MOCOS: variants seen among roughly 807,000 people sequenced by gnomAD.
MOCOS encodes the protein human molybdenum cofactor sulfurase.
Under a neutral mutation model 83.6 loss-of-function variants are expected in MOCOS, and 86 were observed. The ratio of observed to expected loss-of-function variants is 1.03; its 90% confidence interval spans 0.86 to 1.23. MOCOS has a LOEUF of 1.23. MOCOS is among the 50% of genes most tolerant of loss of function. The pLI, the probability that MOCOS is intolerant of heterozygous loss-of-function variation, is 0.00. For missense variants in MOCOS, 1,120 were observed against 1,126.9 expected, an observed-to-expected ratio of 0.99 and a Z score of 0.09; for synonymous variants, 445 against 434.7, an observed-to-expected ratio of 1.02 and a Z score of -0.29.
chr18:36,206,655 T>A lies in MOCOS; in HGVS notation c.1218+1379T>A, dbSNP rs563939259. The stretch of plus-strand genomic sequence containing the variant: ...CCTCCCCCCACCTTCTACCCTCAAG[T>A]AGGCCCCGGTGGCCGTGGTTTTCTT... On this transcript the variant is annotated intron_variant, in intron 6 of 14. Coordinates refer to ENST00000261326, the MANE Select transcript of MOCOS (RefSeq NM_017947.4). Among the ~76,000 whole-genome samples, 42 of 152,284 alleles carry A rather than the reference T, an allele frequency of 2.8e-4. No individual in the cohort carries two copies. The South Asian group carries it at 5.6e-3, about 20-fold the overall frequency.
chr18:36,238,010 T>G (rs1308474762), intron 9 of MOCOS, among the ~76,000 whole-genome samples: 2 of 152,084 alleles, frequency 1.3e-5, no homozygotes, highest in African/African-American at 2.4e-5. Flanking sequence ...TGCGTCTATT[T>G]GATTCTTCTC....
intron 2 of MOCOS, among the ~76,000 whole-genome samples, chr18:36,196,008 GC>G (rs200347398): frequency 0.016 from 2,479 of 152,256 alleles, 44 homozygotes; most frequent in Non-Finnish European, 0.019. Context: ...GTGCGAGCAG[GC>G]AGGGTAACAG....
intron 1 of MOCOS, among the ~76,000 whole-genome samples, chr18:36,193,024 A>G (rs982660741): frequency 6.6e-6 from 1 of 152,126 alleles, no homozygotes; most frequent in Non-Finnish European, 1.5e-5. Flanking sequence ...ACAAAGTTAC[A>G]GAATGGGCCG....
In MOCOS at chr18:36,268,530, C is replaced by T. The variant is rs1181364431; in HGVS notation, c.2515-3C>T. The T allele has an allele frequency of 6.2e-6, 10 of 1,613,972 alleles. No homozygotes were observed. In the East Asian group the frequency reaches 2.2e-4, roughly 36 times the overall value. On this transcript the variant is annotated splice_region_variant and splice_polypyrimidine_tract_variant and intron_variant, in intron 14 of 14. Transcript: ENST00000261326. ...TTTGTTGTTGTTGCTGTTTTGTTCA[C>T]AGGTGAACTTTGGCATGTACCTGAT...
Position 36,203,129 on chromosome 18 carries a change from A to G in MOCOS, c.958A>G (p.Ile320Val). 6.2e-7 allele frequency: 1 copy of G among 1,614,202 alleles called. No homozygotes were observed. Among genetic ancestry groups the G allele is most frequent in the Non-Finnish European group, 8.5e-7 (1 of 1,180,034 alleles). ...SVAQRFEDGT[I>V]SFLDVIALKH... is the part of the protein sequence containing the mutation. ...TGGTTATAGGTTTGAAGATGGCACC[A>G]TCTCATTCCTTGATGTTATCGCGCT... The change falls in exon 5 of 15, where the codon ATC becomes GTC. Residue 320 changes from isoleucine to valine, a missense_variant. Physicochemically the swap from Ile to Val is conservative, Grantham distance 29 (BLOSUM62 3). Coordinates refer to ENST00000261326, the MANE Select transcript of MOCOS (RefSeq NM_017947.4).
chr18:36,254,399 A>AT (rs892904875), intron 11 of MOCOS, among the ~76,000 whole-genome samples: 8 of 151,220 alleles, frequency 5.3e-5, no homozygotes, highest in East Asian at 1.9e-4. Context: ...ATACTGCAGC[A>AT]TTTTTTTAAA....
In MOCOS at chr18:36,187,548, C is replaced by T. The variant is rs950739650; in HGVS notation, c.9C>T (p.Gly3=). Residue 3 remains glycine (G), a synonymous_variant, in exon 1 of 15, where the codon GGC becomes GGT. Coordinates refer to ENST00000261326, the MANE Select transcript of MOCOS (RefSeq NM_017947.4). ...ATGGACTAGCCGGGGCCATGGCCGG[C>T]GCGGCGGCGGAGTCAGGGCGGGAGC... MA[G]AAAESGRELW... is the part of the protein sequence containing the mutation. 4.8e-6 allele frequency: 6 copies of T among 1,237,802 alleles called. No individual in the cohort carries two copies. The Admixed American group carries it at 2.5e-4, about 51-fold the overall frequency. 76.7% of individuals were successfully genotyped at this position (1,237,802 alleles called of 1,614,324 possible).
At chr18:36,228,014 C>T (rs1048002970) in intron 9 of MOCOS, among the ~76,000 whole-genome samples, 4 of 151,898 alleles carry the variant, frequency 2.6e-5, no homozygotes, top group African/African-American at 7.3e-5. Context: ...AAAAAGTAGG[C>T]AAAGAACATG....
chr18:36,199,783 G>T lies in MOCOS; in HGVS notation c.400G>T (p.Val134Leu). ...LKLVAEAFPW[V>L]SQGPESSGSR... is the part of the protein sequence containing the mutation. ...ACTGGTGGCAGAGGCCTTTCCATGG[G>T]TGTCCCAGGGCCCAGAGAGCAGTGG... Residue 134 changes from valine to leucine, a missense_variant, in exon 4 of 15, where the codon GTG becomes TTG. By Grantham distance (32) the Val-to-Leu change is conservative. Coordinates refer to ENST00000261326, the MANE Select transcript of MOCOS (RefSeq NM_017947.4). The T allele has an allele frequency of 6.2e-7, 1 of 1,614,138 alleles. No individual in the cohort carries two copies. The highest frequency in any genetic ancestry group is 8.5e-7 in the Non-Finnish European group (1 of 1,180,030).
At chr18:36,247,724 C>T (rs1385729803) in intron 9 of MOCOS, among the ~76,000 whole-genome samples, 1 of 152,052 alleles carries the variant, frequency 6.6e-6, no homozygotes. Context: ...CTCACCTTCT[C>T]ACACTTTGGG....
At chr18:36,197,526 A>C (rs893649210) in intron 2 of MOCOS, among the ~76,000 whole-genome samples, 1 of 151,980 alleles carries the variant, frequency 6.6e-6, no homozygotes, top group African/African-American at 2.4e-5. Flanking sequence ...GTGCTTTGGT[A>C]GGTCAAGGTA....
chr18:36,267,427 G>A (rs542525281), intron 14 of MOCOS, among the ~76,000 whole-genome samples: 8 of 152,184 alleles, frequency 5.3e-5, no homozygotes, highest in Non-Finnish European at 1.0e-4. Flanking sequence ...AAGCAGTCAG[G>A]CTACATAGAA....
chr18:36,245,867 C>T (rs570034036), intron 9 of MOCOS, among the ~76,000 whole-genome samples: 28 of 152,152 alleles, frequency 1.8e-4, no homozygotes, highest in African/African-American at 5.1e-4. Context: ...AATTTGAAAG[C>T]GTTGTCTTTG....
At chr18:36,191,048 T>G (rs1166750910) in intron 1 of MOCOS, among the ~76,000 whole-genome samples, 1 of 52,882 alleles carries the variant, frequency 1.9e-5, no homozygotes, top group African/African-American at 5.7e-5. Context: ...GAAAAAAAAG[T>G]GTGTAGCACC....
intron 9 of MOCOS, among the ~76,000 whole-genome samples, chr18:36,233,722 G>C (rs936214495): frequency 2.6e-5 from 4 of 152,068 alleles, no homozygotes; most frequent in Non-Finnish European, 5.9e-5. Flanking sequence ...TTTAAATTAT[G>C]GTCATTCTTG....
chr18:36,248,363 C>T (rs1301907536), intron 9 of MOCOS, among the ~76,000 whole-genome samples: 1 of 152,092 alleles, frequency 6.6e-6, no homozygotes, highest in Non-Finnish European at 1.5e-5. Context: ...TGGATGGATG[C>T]TTTGCAAACA....
intron 6 of MOCOS, among the ~76,000 whole-genome samples, chr18:36,213,104 G>A (rs1355875019): frequency 2.0e-5 from 3 of 152,224 alleles, no homozygotes; most frequent in Non-Finnish European, 2.9e-5. Flanking sequence ...TGCGAGCTGA[G>A]GCGGGGCTGC....
intron 9 of MOCOS, among the ~76,000 whole-genome samples, chr18:36,236,836 G>C (rs1159496536): frequency 9.6e-5 from 14 of 145,956 alleles, no homozygotes; most frequent in Non-Finnish European, 3.0e-5. Context: ...TCTCCTTGAA[G>C]AGGTCCTTCA....
intron 9 of MOCOS, among the ~76,000 whole-genome samples, chr18:36,220,473 C>T (rs1190560100): frequency 6.6e-6 from 1 of 152,066 alleles, no homozygotes; most frequent in Admixed American, 6.6e-5. Flanking sequence ...CATGCCATTG[C>T]ATTCCGGCCT....
Sources: gnomAD v4.1 joint callset for allele counts (sites outside exome capture counted in the v4.1 genomes callset) on GRCh38, gnomAD v4.1.1 for gene constraint, MANE v1.5 for transcripts, NCBI Gene and HGNC (gene_info 2026-07-23, HGNC 2026-07-21) for gene names.